The following HTR2C variants were observed in gnomAD, a reference collection of about 807,000 sequenced individuals.
HTR2C encodes 5-hydroxytryptamine (serotonin) receptor 2C, G protein-coupled.
HTR2C carries 5 observed loss-of-function variants against 21.0 expected under a neutral mutation model. The ratio of observed to expected loss-of-function variants is 0.24; its 90% confidence interval spans 0.12 to 0.50. HTR2C has a LOEUF of 0.50. Ranked by LOEUF, HTR2C falls within the 20% of genes least tolerant of loss-of-function variation. HTR2C has a pLI of 0.98. For missense variants in HTR2C, 271 were observed against 371.2 expected, an observed-to-expected ratio of 0.73 and a Z score of 2.22; for synonymous variants, 150 against 145.3, an observed-to-expected ratio of 1.03 and a Z score of -0.23.
intron 4 of HTR2C, among the ~76,000 whole-genome samples, chrX:114,802,683 ATTCTTTCT>A (rs57990660): frequency 0.026 from 1,740 of 66,783 alleles, 37 homozygotes; most frequent in African/African-American, 0.051. Flanking sequence ...CTATGCTTAG[ATTCTTTCT>A]TTCTTTCTTT....
intron 4 of HTR2C, among the ~76,000 whole-genome samples, chrX:114,797,348 A>G (rs1020255986): frequency 2.7e-5 from 3 of 111,297 alleles, no homozygotes; most frequent in African/African-American, 9.8e-5. Context: ...GCCTGTAGAG[A>G]CATTCTTTCT....
chrX:114,775,993 G>T, intron 4 of HTR2C: 2 of 403,627 alleles, frequency 5.0e-6, no homozygotes, highest in African/African-American at 4.9e-5. Flanking sequence ...AAGCAGTACA[G>T]AGGCGTCTTA....
chrX:114,667,290 C>T (rs2147845977), intron 2 of HTR2C, among the ~76,000 whole-genome samples: 1 of 111,040 alleles, frequency 9.0e-6, no homozygotes, highest in African/African-American at 3.3e-5. Flanking sequence ...TGCTTGGTTT[C>T]TGTCTTATTG....
chrX:114,598,615 G>A (rs1556393317), intron 1 of HTR2C, among the ~76,000 whole-genome samples: 1 of 111,280 alleles, frequency 9.0e-6, no homozygotes, highest in Non-Finnish European at 1.9e-5. Context: ...TAAGTAATGA[G>A]CTGTAGATAG....
chrX:114,738,607 G>C (rs1358850936), intron 4 of HTR2C, among the ~76,000 whole-genome samples: 2 of 110,029 alleles, frequency 1.8e-5, no homozygotes, highest in African/African-American at 6.6e-5. Flanking sequence ...TGGACACAGG[G>C]AGGGGAACAT....
intron 5 of HTR2C, among the ~76,000 whole-genome samples, chrX:114,852,970 A>G (rs1281100724): frequency 1.8e-5 from 2 of 111,801 alleles, no homozygotes; most frequent in Non-Finnish European, 3.8e-5. Flanking sequence ...ATCAAAGGGT[A>G]CATGTAGTTA....
chrX:114,757,962 C>T (rs942871425), intron 4 of HTR2C, among the ~76,000 whole-genome samples: 1 of 110,944 alleles, frequency 9.0e-6, no homozygotes, highest in Non-Finnish European at 1.9e-5. Context: ...AACATGAACA[C>T]ACATACACAC....
At chrX:114,774,584 A>T (rs1206402627) in intron 4 of HTR2C, among the ~76,000 whole-genome samples, 11 of 111,893 alleles carry the variant, frequency 9.8e-5, no homozygotes, top group African/African-American at 3.6e-4. Flanking sequence ...TAAACTATAT[A>T]TTTTTGTGCC....
intron 4 of HTR2C, among the ~76,000 whole-genome samples, chrX:114,798,312 A>G (rs782241946): frequency 9.0e-6 from 1 of 110,883 alleles, no homozygotes; most frequent in South Asian, 3.8e-4. Flanking sequence ...GGGTTTGTCC[A>G]CTGAACCAGA....
intron 5 of HTR2C, among the ~76,000 whole-genome samples, chrX:114,905,402 T>C (rs1556486350): frequency 1.8e-5 from 2 of 111,524 alleles, no homozygotes; most frequent in African/African-American, 6.5e-5. Context: ...TGACTCATTG[T>C]TTTTTTTCCC....
At chrX:114,776,562 G>A (rs1414044300) in intron 4 of HTR2C, 1 of 526,942 alleles carries the variant, frequency 1.9e-6, no homozygotes, top group Non-Finnish European at 3.5e-6. Context: ...CCAATCAGAT[G>A]TTTGGCATCA....
chrX:114,830,840 TCCCCCCTC>T (rs1272859733), intron 4 of HTR2C, among the ~76,000 whole-genome samples: 40 of 14,844 alleles, frequency 2.7e-3, no homozygotes, highest in African/African-American at 5.3e-3. Flanking sequence ...ATGCTATCCC[TCCCCCCTC>T]CCCCCCACCC....
chrX:114,703,278 C>T (rs1341905496), intron 2 of HTR2C, among the ~76,000 whole-genome samples: 3 of 107,677 alleles, frequency 2.8e-5, no homozygotes, highest in African/African-American at 1.0e-4. Context: ...CACCACACCA[C>T]ACCTATTCCA....
intron 2 of HTR2C, among the ~76,000 whole-genome samples, chrX:114,696,489 C>T (rs1347979391): frequency 2.7e-5 from 3 of 111,221 alleles, no homozygotes; most frequent in African/African-American, 9.8e-5. Context: ...GTAGCAGTTA[C>T]GTGTAATATT....
At position 114,847,441 on chromosome X, in the gene HTR2C, G is replaced by A. The variant is rs1314523293; in HGVS notation, c.350-562G>A. 9.4e-5 allele frequency among the ~76,000 whole-genome samples: 6 copies of A among 63,925 alleles called. No individual in the cohort carries two copies. The Admixed American group carries it at 1.1e-3, about 11-fold the overall frequency. The allele number at this position is 63,925 out of a possible 115,157, so 55.5% of individuals were successfully genotyped here. ...ATCACACTCTGGGGACTGTTGTGGGGTGGGGGGAGGGGGGAGGGGTAGCAT... is the reference window on the plus strand; with the variant it reads ...ATCACACTCTGGGGACTGTTGTGGGATGGGGGGAGGGGGGAGGGGTAGCAT... On this transcript the variant is annotated intron_variant, in intron 4 of 5. Coordinates refer to ENST00000276198, the MANE Select transcript of HTR2C (RefSeq NM_000868.4).
intron 4 of HTR2C, among the ~76,000 whole-genome samples, chrX:114,756,249 G>A (rs2069812509): frequency 8.9e-6 from 1 of 112,108 alleles, no homozygotes; most frequent in South Asian, 3.6e-4. Flanking sequence ...TTGCTGGTGG[G>A]AATGTAAAAT....
At chrX:114,849,930 T>C (rs372462859) in intron 5 of HTR2C, among the ~76,000 whole-genome samples, 61 of 112,015 alleles carry the variant, frequency 5.4e-4, no homozygotes, top group African/African-American at 1.8e-3. Flanking sequence ...CAATAAGAGA[T>C]AACAGAAATA....
intron 1 of HTR2C, among the ~76,000 whole-genome samples, chrX:114,587,736 T>A (rs1182207971): frequency 8.9e-6 from 1 of 111,998 alleles, no homozygotes; most frequent in Non-Finnish European, 1.9e-5. Context: ...GTTATGGATC[T>A]CTCCAACACT....
intron 4 of HTR2C, among the ~76,000 whole-genome samples, chrX:114,803,952 A>G (rs2070377667): frequency 8.9e-6 from 1 of 112,070 alleles, no homozygotes; most frequent in Non-Finnish European, 1.9e-5. Context: ...CAAATATTTA[A>G]AGGAACACCT....
Sources: allele counts gnomAD v4.1 joint callset (sites outside exome capture counted in the v4.1 genomes callset), GRCh38; gene constraint gnomAD v4.1.1; transcripts MANE v1.5; gene names NCBI Gene and HGNC (gene_info 2026-07-23, HGNC 2026-07-21).